RUNX1T1: variants seen among roughly 807,000 people sequenced by gnomAD.
The protein encoded by RUNX1T1 is RUNX1 partner transcriptional co-repressor 1, also known as protein CBFA2T1.
In RUNX1T1, 4 loss-of-function variants were observed where a neutral mutation model predicts 62.8. The ratio of observed to expected loss-of-function variants is 0.06; its 90% CI spans 0.03 to 0.15. The LOEUF (loss-of-function observed/expected upper bound fraction) is 0.15, where lower values mean the gene tolerates loss of function less well. RUNX1T1 is among the 10% of genes least tolerant of loss of function. The pLI, the probability that RUNX1T1 is intolerant of heterozygous loss-of-function variation, is 1.00. For synonymous variants in RUNX1T1, 291 were observed against 286.0 expected, an observed-to-expected ratio of 1.02 and a Z score of -0.18; for missense variants, 508 against 754.3, an observed-to-expected ratio of 0.67 and a Z score of 3.82.
intron 1 of RUNX1T1, among the ~76,000 whole-genome samples, chr8:92,049,101 A>G (rs1280989345): frequency 6.6e-6 from 1 of 152,122 alleles, no homozygotes; most frequent in East Asian, 1.9e-4. Context: ...GTGGAACACA[A>G]ATACTACCTA....
At chr8:91,991,729 G>A (rs1320885638) in exon 6 of RUNX1T1, 4 of 1,613,954 alleles carry the variant, frequency 2.5e-6, no homozygotes, top group East Asian at 4.5e-5. Context: ...TCATCCAAAC[G>A]GTAATGCTGA....
At chr8:91,986,229 A>G in exon 8 of RUNX1T1, 1 of 1,614,108 alleles carries the variant, frequency 6.2e-7, no homozygotes, top group East Asian at 2.2e-5. Flanking sequence ...CGCCGGATCC[A>G]GTAATTCAAT....
intron 9 of RUNX1T1, 52 bp downstream of exon 10, chr8:91,975,853 A>T: frequency 8.2e-7 from 1 of 1,214,446 alleles, no homozygotes; most frequent in Non-Finnish European, 1.2e-6. Flanking sequence ...CTACATTAAC[A>T]ACTGCACACA....
At chr8:91,966,897 AATAG>A (rs1811747618) in intron 10 of RUNX1T1, among the ~76,000 whole-genome samples, 4 of 152,292 alleles carry the variant, frequency 2.6e-5, no homozygotes, top group East Asian at 3.9e-4. Context: ...TCCAGTGAAA[AATAG>A]ATACAGTACA....
chr8:91,956,450 A>G (rs1809400530), downstream of RUNX1T1: 1 of 228,028 alleles, frequency 4.4e-6, no homozygotes, highest in African/African-American at 2.2e-5. Flanking sequence ...GGCTGGGGTC[A>G]CTGGTGGGCA....
At chr8:92,018,181 C>A (rs1298590378) in intron 1 of RUNX1T1, among the ~76,000 whole-genome samples, 1 of 152,156 alleles carries the variant, frequency 6.6e-6, no homozygotes, top group African/African-American at 2.4e-5. Context: ...TTCAGAACTG[C>A]TGTAAGTATA....
At chr8:92,087,415 G>A (rs1836300304) in intron 1 of RUNX1T1, among the ~76,000 whole-genome samples, 1 of 151,908 alleles carries the variant, frequency 6.6e-6, no homozygotes, top group Non-Finnish European at 1.5e-5. Context: ...CCACATCTAG[G>A]CTTCTGCATT....
chr8:92,075,920 G>A, intron 2 of RUNX1T1, 45 bp downstream of exon 2: 2 of 1,500,168 alleles, frequency 1.3e-6, no homozygotes, highest in Non-Finnish European at 1.8e-6. Flanking sequence ...GATTTTTCTG[G>A]TACGTAAGTA....
chr8:92,091,693 C>T (rs17747233), intron 1 of RUNX1T1, among the ~76,000 whole-genome samples: 9,172 of 152,208 alleles, frequency 0.06, 289 homozygotes, highest in South Asian at 0.094. Flanking sequence ...AGGAAATAGC[C>T]GCATGATGCC....
At chr8:92,039,849 T>C (rs776995846) in intron 1 of RUNX1T1, among the ~76,000 whole-genome samples, 1 of 152,168 alleles carries the variant, frequency 6.6e-6, no homozygotes, top group Non-Finnish European at 1.5e-5. Context: ...TTCTAGAGCC[T>C]GTACCTTCCT....
intron 10 of RUNX1T1, among the ~76,000 whole-genome samples, chr8:91,969,526 T>A (rs1419539294): frequency 6.6e-6 from 1 of 152,156 alleles, no homozygotes; most frequent in African/African-American, 2.4e-5. Flanking sequence ...AGCCACAAGA[T>A]ACCAATAAAA....
chr8:91,986,920 T>A, exon 7 of RUNX1T1: 1 of 1,612,212 alleles, frequency 6.2e-7, no homozygotes, highest in Non-Finnish European at 8.5e-7. Context: ...CTGCCCATTC[T>A]CTGTCTGTTA....
intron 2 of RUNX1T1, among the ~76,000 whole-genome samples, chr8:92,015,160 TG>T (rs1399218544): frequency 2.0e-5 from 3 of 152,230 alleles, no homozygotes; most frequent in African/African-American, 7.2e-5. Flanking sequence ...GTCAGCTTTT[TG>T]TCGCAGGCTT....
At chr8:92,020,036 G>A (rs1823781332) in intron 1 of RUNX1T1, among the ~76,000 whole-genome samples, 1 of 152,134 alleles carries the variant, frequency 6.6e-6, no homozygotes, top group African/African-American at 2.4e-5. Context: ...TTTCTGCAAT[G>A]GTTAGCTTCA....
chr8:92,090,127 T>C lies in RUNX1T1; in HGVS notation c.-86+9453A>G, dbSNP rs558805023. On this transcript the variant is annotated intron_variant, in intron 1 of 11. Coordinates refer to the RUNX1T1 transcript ENST00000265814. Reference sequence around the variant, plus strand: ...CCCAGGCCACCCAGCAAGTCAGTGATTGAACTGGAAAGGGAACTTCAGTTT... The same window carrying C: ...CCCAGGCCACCCAGCAAGTCAGTGACTGAACTGGAAAGGGAACTTCAGTTT... Among the ~76,000 whole-genome samples the C allele has an allele frequency of 4.6e-5, 7 of 151,668 alleles. No homozygotes were observed. In the East Asian group the frequency reaches 7.8e-4, roughly 17 times the overall value.
intron 1 of RUNX1T1, among the ~76,000 whole-genome samples, chr8:92,059,193 A>AG (rs1230183516): frequency 5.9e-5 from 9 of 152,204 alleles, no homozygotes; most frequent in Admixed American, 3.9e-4. Context: ...AGTTGGCACA[A>AG]GGGTTGTTTG....
At chr8:92,016,190 G>A (rs534397637) in intron 2 of RUNX1T1, among the ~76,000 whole-genome samples, 1 of 152,294 alleles carries the variant, frequency 6.6e-6, no homozygotes, top group African/African-American at 2.4e-5. Flanking sequence ...CCAGGACTTT[G>A]AGATTTATTA....
intron 1 of RUNX1T1, among the ~76,000 whole-genome samples, chr8:92,093,762 T>G (rs1837381799): frequency 6.6e-6 from 1 of 152,232 alleles, no homozygotes; most frequent in South Asian, 2.1e-4. Context: ...AAATAGTGAC[T>G]GACCACTCAC....
chr8:91,959,459 TGTGTGTGTATATGTGC>T lies in RUNX1T1; in HGVS notation c.*767_*782del, dbSNP rs1307222585. ...GTGTGTGTGTGTGTGTGTGTGTGTG[TGTGTGTGTATATGTGC>T]GTGTGTGTGTGTGTATATATATATA... On this transcript the variant is annotated 3_prime_UTR_variant, in exon 11 of 11. Transcript: ENST00000396218. 1.2e-3 allele frequency: 151 copies of T among 124,396 alleles called. 2 individuals carry two copies. The highest frequency in any genetic ancestry group is 6.7e-3 in the African/African-American group (99 of 14,828). 7.7% of individuals were successfully genotyped at this position (124,396 alleles called of 1,614,324 possible).
Sources: allele counts gnomAD v4.1 joint callset (sites outside exome capture counted in the v4.1 genomes callset), GRCh38; gene constraint gnomAD v4.1.1; transcripts MANE v1.5; gene names NCBI Gene and HGNC (gene_info 2026-07-23, HGNC 2026-07-21).